KCNIP4: variants seen among roughly 807,000 people sequenced by gnomAD.
The protein encoded by KCNIP4 is potassium voltage-gated channel interacting protein 4.
A neutral mutation model predicts 34.0 loss-of-function variants in KCNIP4; 12 were observed. That is an observed-to-expected ratio of 0.35 (90% CI 0.23 to 0.57). The LOEUF is 0.57. KCNIP4 is among the 20% of genes least tolerant of loss of function. The pLI, the probability that KCNIP4 is intolerant of heterozygous loss-of-function variation, is 0.83. For synonymous variants in KCNIP4, 124 were observed against 102.2 expected (o/e 1.21, Z -1.29); for missense variants, 238 against 311.7 (o/e 0.76, Z 1.78).
intron 3 of KCNIP4, among the ~76,000 whole-genome samples, chr4:20,830,533 A>G (rs1718293834): frequency 6.6e-6 from 1 of 152,198 alleles, no homozygotes; most frequent in African/African-American, 2.4e-5. Flanking sequence ...ATGGGAATTC[A>G]GAAGTTTCTG....
chr4:21,059,133 T>C (rs989273790), intron 1 of KCNIP4, among the ~76,000 whole-genome samples: 2 of 152,112 alleles, frequency 1.3e-5, no homozygotes, highest in African/African-American at 4.8e-5. Flanking sequence ...AAACCTCTTT[T>C]CTTTATAAAT....
At chr4:21,934,309 T>C (rs1411136853) in intron 1 of KCNIP4, among the ~76,000 whole-genome samples, 1 of 152,012 alleles carries the variant, frequency 6.6e-6, no homozygotes, top group East Asian at 1.9e-4. Context: ...TTTTCATCAA[T>C]TCCTTCAACT....
At chr4:21,553,507 C>T (rs1160256474) in intron 1 of KCNIP4, among the ~76,000 whole-genome samples, 2 of 151,968 alleles carry the variant, frequency 1.3e-5, no homozygotes, top group Non-Finnish European at 2.9e-5. Context: ...GTCTGGAAGC[C>T]TTTTAAGACG....
At chr4:21,762,178 A>G (rs1364312277) in intron 1 of KCNIP4, among the ~76,000 whole-genome samples, 1 of 152,164 alleles carries the variant, frequency 6.6e-6, no homozygotes, top group East Asian at 1.9e-4. Context: ...TTTATAAAGT[A>G]AAAAGAAACA....
intron 1 of KCNIP4, among the ~76,000 whole-genome samples, chr4:21,378,780 T>C (rs925872327): frequency 4.4e-4 from 67 of 152,224 alleles, no homozygotes; most frequent in African/African-American, 1.6e-3. Context: ...CTTTTATAAA[T>C]CTCTATATAC....
chr4:21,896,757 A>G (rs1311969531), intron 1 of KCNIP4, among the ~76,000 whole-genome samples: 17 of 151,996 alleles, frequency 1.1e-4, no homozygotes, highest in Admixed American at 1.1e-3. Context: ...TGTCTCTACT[A>G]AAAATACAAA....
At chr4:21,066,013 T>C (rs1464488710) in intron 1 of KCNIP4, among the ~76,000 whole-genome samples, 2 of 151,886 alleles carry the variant, frequency 1.3e-5, no homozygotes, top group African/African-American at 4.8e-5. Flanking sequence ...AGAAAACACA[T>C]TGAAAGTTCA....
chr4:21,223,974 G>A (rs374804932), intron 1 of KCNIP4, among the ~76,000 whole-genome samples: 2 of 152,024 alleles, frequency 1.3e-5, no homozygotes, highest in Admixed American at 6.6e-5. Flanking sequence ...CTTATCAGCC[G>A]AGGAATCTTC....
chr4:21,899,638 C>G (rs1278823513), intron 1 of KCNIP4, among the ~76,000 whole-genome samples: 1 of 151,890 alleles, frequency 6.6e-6, no homozygotes, highest in Admixed American at 6.6e-5. Flanking sequence ...TTTCCATATG[C>G]CAACAATGAA....
At chr4:21,523,969 T>A (rs1360252813) in intron 1 of KCNIP4, among the ~76,000 whole-genome samples, 1 of 152,180 alleles carries the variant, frequency 6.6e-6, no homozygotes, top group African/African-American at 2.4e-5. Context: ...TAATATGGAT[T>A]TAGAATATCC....
At chr4:20,748,557 ATT>A (rs201477394) in intron 5 of KCNIP4, among the ~76,000 whole-genome samples, 1,896 of 42,526 alleles carry the variant, frequency 0.045, 72 homozygotes, top group African/African-American at 0.12. Flanking sequence ...CACCTTCCAA[ATT>A]TTATATATAT....
chr4:21,141,499 A>T (rs1188246961), intron 1 of KCNIP4, among the ~76,000 whole-genome samples: 1 of 152,154 alleles, frequency 6.6e-6, no homozygotes, highest in Non-Finnish European at 1.5e-5. Flanking sequence ...GTTGAGAAAA[A>T]GTGTCAGATA....
At chr4:21,413,274 C>A (rs1724667544) in intron 1 of KCNIP4, among the ~76,000 whole-genome samples, 1 of 152,130 alleles carries the variant, frequency 6.6e-6, no homozygotes. Context: ...GTTGGAACTG[C>A]CACATGGAAA....
chr4:21,300,590 TTTCG>T (rs1711559864), intron 1 of KCNIP4, among the ~76,000 whole-genome samples: 1 of 152,114 alleles, frequency 6.6e-6, no homozygotes, highest in South Asian at 2.1e-4. Context: ...AACTCTTAAG[TTTCG>T]AGAAACGGTA....
chr4:21,699,396 T>A (rs1712642420), intron 1 of KCNIP4, among the ~76,000 whole-genome samples: 1 of 152,080 alleles, frequency 6.6e-6, no homozygotes, highest in South Asian at 2.1e-4. Flanking sequence ...AAAGAAAACA[T>A]CAGGTTATCA....
chr4:21,875,307 T>C (rs1169171620), intron 1 of KCNIP4, among the ~76,000 whole-genome samples: 1 of 152,194 alleles, frequency 6.6e-6, no homozygotes, highest in Non-Finnish European at 1.5e-5. Context: ...ATAGAGCTGA[T>C]TCTTCATTAG....
At chr4:21,689,506 C>T (rs1333369272) in intron 1 of KCNIP4, among the ~76,000 whole-genome samples, 2 of 152,104 alleles carry the variant, frequency 1.3e-5, no homozygotes, top group East Asian at 1.9e-4. Context: ...CAGCTCTATG[C>T]TGTGCTGTTG....
rs953819461 is a variant in KCNIP4 at position 21,856,662 on chromosome 4, C to T, written c.61+91909G>A. ...CCTTCCCGGGCACACCTACAGCTGC[C>T]CAATCTGTGGCTGTAAATCTGAGCA... On this transcript the variant is annotated intron_variant, in intron 1 of 8. Transcript: ENST00000382152. Among the ~76,000 whole-genome samples the T allele has an allele frequency of 3.3e-5, 5 of 152,224 alleles. No individual in the cohort carries two copies. In the East Asian group the frequency reaches 9.7e-4, roughly 30 times the overall value.
rs115884302 is a variant in KCNIP4 at position 21,912,027 on chromosome 4, T to C, written c.61+36544A>G. On this transcript the variant is annotated intron_variant, in intron 1 of 8. Transcript: ENST00000382152. ...GGTGGTAACATTTCTTTATCTCTTT[T>C]ACATCAGGCAATTGCCTTGTGCTAT... Among the ~76,000 whole-genome samples, 1,097 of 152,310 alleles carry C rather than the reference T, an allele frequency of 7.2e-3. 13 individuals are homozygous for C. Among genetic ancestry groups the C allele is most frequent in the African/African-American group, 0.025 (1,038 of 41,562 alleles).
Sources: allele counts gnomAD v4.1 joint callset (sites outside exome capture counted in the v4.1 genomes callset), GRCh38; gene constraint gnomAD v4.1.1; transcripts MANE v1.5; gene names NCBI Gene and HGNC (gene_info 2026-07-23, HGNC 2026-07-21).